EIF2B3: variants seen among roughly 807,000 people sequenced by gnomAD.
The protein encoded by EIF2B3 is translation initiation factor eIF2B subunit gamma.
EIF2B3 carries 20 observed loss-of-function variants against 54.1 expected under a neutral mutation model. The observed-to-expected ratio is 0.37, with a 90% CI of 0.26 to 0.54. EIF2B3 has a LOEUF of 0.54. EIF2B3 is among the 20% of genes least tolerant of loss of function. The pLI is 0.86. For missense variants in EIF2B3, 448 were observed against 547.8 expected (o/e 0.82, Z 1.82); for synonymous variants, 153 against 188.1 (o/e 0.81, Z 1.52).
intron 11 of EIF2B3, among the ~76,000 whole-genome samples, chr1:44,852,379 G>A (rs774322044): frequency 8.6e-5 from 13 of 152,028 alleles, no homozygotes; most frequent in Non-Finnish European, 1.2e-4. Flanking sequence ...TCTAATATGC[G>A]ATGCCTTCCC....
At chr1:44,909,478 A>C (rs577900542) in intron 5 of EIF2B3, among the ~76,000 whole-genome samples, 7 of 152,296 alleles carry the variant, frequency 4.6e-5, no homozygotes, top group South Asian at 2.1e-4. Flanking sequence ...GAAAGCTAAG[A>C]AGCAGCTTGA....
At chr1:44,865,511 C>A (rs995028673) in intron 10 of EIF2B3, among the ~76,000 whole-genome samples, 1 of 151,392 alleles carries the variant, frequency 6.6e-6, no homozygotes, top group Non-Finnish European at 1.5e-5. Flanking sequence ...TTTGTTTTTT[C>A]AATTTGGTGA....
intron 4 of EIF2B3, among the ~76,000 whole-genome samples, chr1:44,928,634 T>C (rs1261939107): frequency 3.3e-5 from 5 of 152,104 alleles, no homozygotes; most frequent in African/African-American, 4.8e-5. Flanking sequence ...TTCTATGCTA[T>C]GTATAGTCTA....
At chr1:44,860,782 C>G (rs1345648269) in intron 10 of EIF2B3, among the ~76,000 whole-genome samples, 1 of 151,926 alleles carries the variant, frequency 6.6e-6, no homozygotes. Context: ...AAATGGGCAG[C>G]TGGAAGGGAG....
intron 3 of EIF2B3, among the ~76,000 whole-genome samples, chr1:44,964,570 T>C (rs561082469): frequency 6.6e-6 from 1 of 152,356 alleles, no homozygotes; most frequent in African/African-American, 2.4e-5. Context: ...GGGATTTCAT[T>C]GGCATAGTTT....
At chr1:44,986,142 T>TTC (rs1557719532) in intron 1 of EIF2B3, among the ~76,000 whole-genome samples, 1 of 108,500 alleles carries the variant, frequency 9.2e-6, no homozygotes, top group East Asian at 2.8e-4. Flanking sequence ...TCTTTTCTTT[T>TTC]TTTTTTTTTT....
intron 1 of EIF2B3, among the ~76,000 whole-genome samples, chr1:44,983,971 G>C (rs1438475748): frequency 1.3e-5 from 2 of 151,328 alleles, no homozygotes; most frequent in East Asian, 2.0e-4. Context: ...GCCTCCTAAA[G>C]TGCTGGGATT....
intron 3 of EIF2B3, among the ~76,000 whole-genome samples, chr1:44,977,615 C>A (rs1161845972): frequency 6.6e-6 from 1 of 152,052 alleles, no homozygotes; most frequent in Admixed American, 6.6e-5. Context: ...CAGATGTGCA[C>A]CGCCATGCCC....
intron 9 of EIF2B3, 25 bp downstream of exon 9, chr1:44,875,593 C>T (rs1262723810): frequency 4.3e-6 from 7 of 1,610,532 alleles, no homozygotes; most frequent in Non-Finnish European, 5.1e-6. Flanking sequence ...CATCTCATGC[C>T]CGTCCTGGCC....
Position 44,877,202 on chromosome 1 carries a change from A to AAAAC in EIF2B3, c.976-1508_976-1507insGTTT, listed in dbSNP as rs1557666479. On this transcript the variant is annotated intron_variant, in intron 8 of 11. Coordinates refer to ENST00000360403, the MANE Select transcript of EIF2B3 (RefSeq NM_020365.5). ...CCCAAGAATGATCAATAAAAAAAAA[A>AAAAC]AAAAAAAAAAAAAAAAAAAACACCT... Among the ~76,000 whole-genome samples, 6 of 142,952 alleles carry AAAAC rather than the reference A, an allele frequency of 4.2e-5. No homozygotes were observed. In the East Asian group the frequency reaches 1.0e-3, roughly 25 times the overall value. 93.8% of individuals were successfully genotyped at this position (142,952 alleles called of 152,430 possible). A position where few individuals can be genotyped will look rare whatever the true frequency, so the allele number is the denominator to read the frequency against.
intron 3 of EIF2B3, among the ~76,000 whole-genome samples, chr1:44,942,633 G>C (rs1175123315): frequency 6.1e-5 from 9 of 148,316 alleles, no homozygotes; most frequent in African/African-American, 2.2e-4. Context: ...TCCCTATGTT[G>C]CCTAGGCTAG....
chr1:44,868,327 G>C (rs1241737134), intron 10 of EIF2B3, among the ~76,000 whole-genome samples: 1 of 150,128 alleles, frequency 6.7e-6, no homozygotes. Context: ...GAACCCGGGA[G>C]GCGGAGCTTG....
intron 3 of EIF2B3, among the ~76,000 whole-genome samples, chr1:44,960,645 A>C (rs1419472385): frequency 6.6e-6 from 1 of 152,190 alleles, no homozygotes; most frequent in Non-Finnish European, 1.5e-5. Context: ...CTCAAAAAAA[A>C]AAGACAAAAA....
chr1:44,877,192 T>TAAAAAAAAAAAA lies in EIF2B3; in HGVS notation c.976-1509_976-1498dup, dbSNP rs768263508. On this transcript the variant is annotated intron_variant, in intron 8 of 11. Transcript: ENST00000360403. ...GCGAGAAACACCCAAGAATGATCAA[T>TAAAAAAAAAAAA]AAAAAAAAAAAAAAAAAAAAAAAAA... 3.7e-3 allele frequency among the ~76,000 whole-genome samples: 194 copies of TAAAAAAAAAAAA among 52,036 alleles called. 28 individuals are homozygous for TAAAAAAAAAAAA. The highest frequency in any genetic ancestry group is 0.014 in the African/African-American group (161 of 11,196). 34.1% of individuals were successfully genotyped at this position (52,036 alleles called of 152,430 possible).
At chr1:44,955,877 G>T (rs1644218211) in intron 3 of EIF2B3, among the ~76,000 whole-genome samples, 1 of 152,154 alleles carries the variant, frequency 6.6e-6, no homozygotes, top group African/African-American at 2.4e-5. Flanking sequence ...TGCTGGAGAG[G>T]ATGTGGAGAA....
At chr1:44,958,678 T>C (rs1324332547) in intron 3 of EIF2B3, 4 of 1,597,800 alleles carry the variant, frequency 2.5e-6, no homozygotes, top group Admixed American at 1.7e-5. Context: ...AGTGGTGAGT[T>C]TAGTCGCTCA....
intron 7 of EIF2B3, 108 bp from the exon 8 acceptor site, chr1:44,880,116 A>T (rs549312012): frequency 1.6e-6 from 2 of 1,242,970 alleles, no homozygotes; most frequent in Admixed American, 2.0e-5. Flanking sequence ...AGGTCTTGCT[A>T]TGTTGCCTAG....
chr1:44,952,867 T>G (rs1644182665), intron 3 of EIF2B3, among the ~76,000 whole-genome samples: 1 of 152,104 alleles, frequency 6.6e-6, no homozygotes, highest in Non-Finnish European at 1.5e-5. Flanking sequence ...TTCTCCAATT[T>G]AAGGGAAACC....
chr1:44,898,163 T>C (rs1380595734), intron 5 of EIF2B3, among the ~76,000 whole-genome samples: 1 of 152,212 alleles, frequency 6.6e-6, no homozygotes, highest in Non-Finnish European at 1.5e-5. Flanking sequence ...ATTCTCCATC[T>C]TCACAGAAGA....
Sources: allele counts gnomAD v4.1 joint callset (sites outside exome capture counted in the v4.1 genomes callset), GRCh38; gene constraint gnomAD v4.1.1; transcripts MANE v1.5; gene names NCBI Gene and HGNC (gene_info 2026-07-23, HGNC 2026-07-21).